CHN1: variants seen among roughly 807,000 people sequenced by gnomAD.
CHN1 encodes chimerin 1, also known as N-chimaerin.
A neutral mutation model predicts 59.5 loss-of-function variants in CHN1; 37 were observed. The observed-to-expected ratio is 0.62, with a 90% confidence interval of 0.48 to 0.82. The LOEUF (loss-of-function observed/expected upper bound fraction) is 0.82. Ranked by LOEUF, CHN1 falls within the 40% of genes least tolerant of loss-of-function variation. The probability of loss-of-function intolerance (pLI) is 0.00; values close to 1 mark genes in which losing one functional copy is unlikely to be tolerated. For synonymous variants in CHN1, 206 were observed against 200.4 expected, an observed-to-expected ratio of 1.03 and a Z score of -0.24; for missense variants, 469 against 571.0, an observed-to-expected ratio of 0.82 and a Z score of 1.82.
chr2:174,921,338 C>T (rs1035487869), intron 3 of CHN1, among the ~76,000 whole-genome samples: 3 of 152,020 alleles, frequency 2.0e-5, no homozygotes, highest in Non-Finnish European at 2.9e-5. Context: ...CTGACTTTTT[C>T]CCTACCCTCT....
intron 5 of CHN1, among the ~76,000 whole-genome samples, chr2:174,897,983 A>T (rs1165505400): frequency 6.6e-6 from 1 of 152,166 alleles, no homozygotes; most frequent in Non-Finnish European, 1.5e-5. Flanking sequence ...TTCCTCAGTG[A>T]TAGCATCCTG....
intron 6 of CHN1, among the ~76,000 whole-genome samples, chr2:174,873,305 C>T (rs1009680251): frequency 8.6e-5 from 13 of 151,906 alleles, no homozygotes; most frequent in Non-Finnish European, 1.3e-4. Flanking sequence ...GGGAGAAGAA[C>T]AAAAACAGAA....
At chr2:174,984,185 C>G (rs115345038) in intron 1 of CHN1, among the ~76,000 whole-genome samples, 1 of 151,722 alleles carries the variant, frequency 6.6e-6, no homozygotes, top group East Asian at 1.9e-4. Flanking sequence ...AAAATAAGAT[C>G]TTTCAAAGAT....
chr2:174,802,134 T>A (rs1454101629), intron 11 of CHN1: 1 of 290,040 alleles, frequency 3.4e-6, no homozygotes, highest in Non-Finnish European at 6.8e-6. Flanking sequence ...AATTCAGACG[T>A]GTCGACACAG....
chr2:174,847,109 G>A lies in CHN1; in HGVS notation c.550-152C>T, dbSNP rs148302567. ...TGCAGCCCTATTAGTTTTCCTCCCTGACCAAGACTCTTTGGATGGCATTTT... is the reference window on the plus strand; with the variant it reads ...TGCAGCCCTATTAGTTTTCCTCCCTAACCAAGACTCTTTGGATGGCATTTT... On this transcript the variant is annotated intron_variant, in intron 6 of 12. Transcript: ENST00000409900. The A allele has an allele frequency of 8.4e-5, 131 of 1,550,732 alleles. No homozygotes were observed. The African/African-American group carries it at 1.6e-3, about 19-fold the overall frequency.
intron 7 of CHN1, among the ~76,000 whole-genome samples, chr2:174,833,058 T>C (rs1188109509): frequency 1.3e-5 from 2 of 152,170 alleles, no homozygotes; most frequent in Non-Finnish European, 2.9e-5. Flanking sequence ...ATATTATGTA[T>C]CTTGGTGAAT....
chr2:174,977,637 G>A (rs1221795489), intron 1 of CHN1, among the ~76,000 whole-genome samples: 2 of 152,134 alleles, frequency 1.3e-5, no homozygotes, highest in African/African-American at 4.8e-5. Context: ...TTTTATGTTA[G>A]TCTTTTTACT....
intron 1 of CHN1, among the ~76,000 whole-genome samples, chr2:174,980,106 T>C (rs1364996163): frequency 5.3e-5 from 8 of 152,208 alleles, no homozygotes; most frequent in Non-Finnish European, 1.0e-4. Context: ...TATTAGGGTA[T>C]TCTTTTTCTC....
At chr2:174,807,513 T>TGTGTGTGTGTGTGTGTGTGTGTG (rs58430205) in intron 11 of CHN1, among the ~76,000 whole-genome samples, 1 of 141,684 alleles carries the variant, frequency 7.1e-6, no homozygotes, top group Non-Finnish European at 1.5e-5. Context: ...TGTGTGTGTG[T>TGTGTGTGTGTGTGTGTGTGTGTG]TGCTTTCTAG....
intron 11 of CHN1, among the ~76,000 whole-genome samples, chr2:174,806,109 A>G (rs1684876785): frequency 6.6e-6 from 1 of 152,104 alleles, no homozygotes; most frequent in South Asian, 2.1e-4. Context: ...ATTCTAGGGC[A>G]GCAATGTCTT....
At chr2:174,836,782 G>A (rs1686096190) in intron 7 of CHN1, among the ~76,000 whole-genome samples, 1 of 152,156 alleles carries the variant, frequency 6.6e-6, no homozygotes, top group Admixed American at 6.6e-5. Flanking sequence ...TCTCCTGACT[G>A]GAGCTACTGG....
intron 3 of CHN1, among the ~76,000 whole-genome samples, chr2:174,927,309 T>TGGCCTC (rs1044025311): frequency 6.6e-6 from 1 of 152,148 alleles, no homozygotes; most frequent in Non-Finnish European, 1.5e-5. Context: ...CCTCTTGCCT[T>TGGCCTC]GGCCTCCCAA....
intron 6 of CHN1, among the ~76,000 whole-genome samples, chr2:174,861,061 T>A (rs1687053467): frequency 6.6e-6 from 1 of 152,160 alleles, no homozygotes; most frequent in Admixed American, 6.5e-5. Flanking sequence ...TTTAAAAATT[T>A]AAAATTTTTA....
At chr2:174,945,031 G>A in intron 2 of CHN1, 88 bp from the exon 3 acceptor site, 1 of 952,808 alleles carries the variant, frequency 1.0e-6, no homozygotes, top group Non-Finnish European at 1.6e-6. Context: ...TGCTTTTTAT[G>A]TTCACAAGAA....
chr2:174,941,007 T>C (rs1287606073), intron 3 of CHN1, among the ~76,000 whole-genome samples: 1 of 152,194 alleles, frequency 6.6e-6, no homozygotes, highest in Non-Finnish European at 1.5e-5. Context: ...TTTTTTCTCT[T>C]TGTAACAAAG....
intron 1 of CHN1, among the ~76,000 whole-genome samples, chr2:174,970,642 G>A (rs982811918): frequency 2.6e-5 from 4 of 152,114 alleles, no homozygotes; most frequent in Non-Finnish European, 4.4e-5. Flanking sequence ...AATGACAAAC[G>A]TAGGATAATA....
intron 6 of CHN1, among the ~76,000 whole-genome samples, chr2:174,871,932 A>C (rs1363393494): frequency 1.3e-5 from 2 of 152,198 alleles, no homozygotes; most frequent in Non-Finnish European, 2.9e-5. Flanking sequence ...AAGTTAGTTC[A>C]GGAGACTGAA....
chr2:174,965,878 A>G (rs557921612), intron 1 of CHN1, among the ~76,000 whole-genome samples: 2 of 152,336 alleles, frequency 1.3e-5, no homozygotes, highest in African/African-American at 4.8e-5. Context: ...AAGGGCATAA[A>G]CAGTAAACAC....
chr2:174,948,516 T>A (rs938812485), intron 2 of CHN1, among the ~76,000 whole-genome samples: 39 of 152,206 alleles, frequency 2.6e-4, no homozygotes, highest in Non-Finnish European at 3.8e-4. Flanking sequence ...TGGTTTATAT[T>A]TGTAAGACTT....
Sources: gnomAD v4.1 joint callset for allele counts (sites outside exome capture counted in the v4.1 genomes callset) on GRCh38, gnomAD v4.1.1 for gene constraint, MANE v1.5 for transcripts, NCBI Gene and HGNC (gene_info 2026-07-23, HGNC 2026-07-21) for gene names.